Variants in FHIT observed in about 807,000 individuals in gnomAD.
The protein encoded by FHIT is fragile histidine triad diadenosine triphosphatase.
A neutral mutation model predicts 17.9 loss-of-function variants in FHIT; 19 were observed. That is an observed-to-expected ratio of 1.06 (90% CI 0.74 to 1.56). The LOEUF is 1.56. Ranked by LOEUF, FHIT falls within the 40% of genes most tolerant of loss-of-function variation. The probability of loss-of-function intolerance (pLI) is 0.00; values close to 1 mark genes in which losing one functional copy is unlikely to be tolerated. For missense variants in FHIT, 248 were observed against 189.2 expected (o/e 1.31, Z -1.82); for synonymous variants, 81 against 69.7 (o/e 1.16, Z -0.81).
At chr3:60,196,446 A>T (rs1404785096) in intron 5 of FHIT, among the ~76,000 whole-genome samples, 1 of 152,020 alleles carries the variant, frequency 6.6e-6, no homozygotes, top group Non-Finnish European at 1.5e-5. Context: ...ATTTATAAGG[A>T]CCCTTGTGAA....
chr3:60,561,542 T>C (rs765520128), intron 4 of FHIT, among the ~76,000 whole-genome samples: 4 of 151,844 alleles, frequency 2.6e-5, no homozygotes, highest in Non-Finnish European at 5.9e-5. Flanking sequence ...GCAATAGTCA[T>C]CTGGGCAGGG....
intron 5 of FHIT, among the ~76,000 whole-genome samples, chr3:60,207,414 A>C (rs1703247817): frequency 6.6e-6 from 1 of 152,072 alleles, no homozygotes; most frequent in South Asian, 2.1e-4. Flanking sequence ...AGACCTCGAA[A>C]GGCTTCTATA....
chr3:59,982,515 C>T (rs553890020), intron 7 of FHIT, among the ~76,000 whole-genome samples: 1 of 152,282 alleles, frequency 6.6e-6, no homozygotes, highest in African/African-American at 2.4e-5. Context: ...ACTGTGATCA[C>T]TTTTTGGCCT....
At position 60,000,370 on chromosome 3, in the gene FHIT, A is replaced by G. The variant is rs550857392; in HGVS notation, c.279+11001T>C. Among the ~76,000 whole-genome samples the G allele has an allele frequency of 1.3e-4, 20 of 152,340 alleles. No individual in the cohort carries two copies. The South Asian group carries it at 2.5e-3, about 19-fold the overall frequency. ...GTTTTATTGGAATACGGCCATGCTT[A>G]TTTGTGACAATTCATTTTCATATAT... is the stretch of plus-strand genomic sequence containing the variant. On this transcript the variant is annotated intron_variant, in intron 7 of 9. Transcript: ENST00000492590.
chr3:60,359,825 T>A (rs958587103), intron 5 of FHIT, among the ~76,000 whole-genome samples: 1 of 152,096 alleles, frequency 6.6e-6, no homozygotes, highest in South Asian at 2.1e-4. Flanking sequence ...CCCAAGATAA[T>A]AGAATTTTAT....
At chr3:60,673,368 G>A (rs1311272150) in intron 4 of FHIT, among the ~76,000 whole-genome samples, 2 of 152,148 alleles carry the variant, frequency 1.3e-5, no homozygotes, top group Non-Finnish European at 2.9e-5. Context: ...CTTTGCAGGG[G>A]CATGGATAGA....
intron 2 of FHIT, among the ~76,000 whole-genome samples, chr3:61,119,711 G>A (rs527625564): frequency 5.9e-5 from 9 of 152,278 alleles, no homozygotes; most frequent in South Asian, 4.1e-4. Context: ...CACTGAGGGC[G>A]CAAATAAAAC....
chr3:61,143,014 T>A (rs1258796296), intron 2 of FHIT, among the ~76,000 whole-genome samples: 2 of 152,216 alleles, frequency 1.3e-5, no homozygotes, highest in Non-Finnish European at 2.9e-5. Context: ...TTAGTAAATT[T>A]CAGATTTGTT....
At chr3:60,218,627 T>C (rs535553844) in intron 5 of FHIT, among the ~76,000 whole-genome samples, 1 of 152,212 alleles carries the variant, frequency 6.6e-6, no homozygotes, top group South Asian at 2.1e-4. Flanking sequence ...AACAGAAGAC[T>C]AACAATTTTG....
intron 8 of FHIT, among the ~76,000 whole-genome samples, chr3:59,852,990 ATG>A (rs1364140633): frequency 6.6e-6 from 1 of 152,144 alleles, no homozygotes; most frequent in Non-Finnish European, 1.5e-5. Context: ...ATGAACATTC[ATG>A]TGTAGATTTT....
chr3:60,420,809 T>G (rs1334966114), intron 5 of FHIT, among the ~76,000 whole-genome samples: 2 of 152,186 alleles, frequency 1.3e-5, no homozygotes, highest in Non-Finnish European at 2.9e-5. Context: ...GTGTTTGCAT[T>G]TGCTTACTGT....
At chr3:60,822,921 C>T (rs1170833854) in intron 3 of FHIT, among the ~76,000 whole-genome samples, 1 of 152,180 alleles carries the variant, frequency 6.6e-6, no homozygotes, top group Non-Finnish European at 1.5e-5. Flanking sequence ...CCTTCATGTA[C>T]ACTTCTTTGA....
intron 4 of FHIT, among the ~76,000 whole-genome samples, chr3:60,630,420 T>C (rs6762641): frequency 0.21 from 32,046 of 152,086 alleles, 3,602 homozygotes; most frequent in Admixed American, 0.26. Context: ...GTTTGTCCTC[T>C]TGTTTAGAGT....
chr3:60,214,043 G>C (rs1703580016), intron 5 of FHIT, among the ~76,000 whole-genome samples: 1 of 152,160 alleles, frequency 6.6e-6, no homozygotes, highest in Non-Finnish European at 1.5e-5. Flanking sequence ...TGTAATAAGA[G>C]GTTCAGAGGG....
chr3:60,021,532 C>T (rs1700553402), intron 5 of FHIT, among the ~76,000 whole-genome samples: 1 of 151,994 alleles, frequency 6.6e-6, no homozygotes, highest in African/African-American at 2.4e-5. Context: ...CTCATATAAA[C>T]TAAGTATGTG....
intron 4 of FHIT, among the ~76,000 whole-genome samples, chr3:60,592,711 C>A (rs2038128011): frequency 6.6e-6 from 1 of 152,102 alleles, no homozygotes; most frequent in Non-Finnish European, 1.5e-5. Context: ...CACCTAGAAA[C>A]AAGGAAGGTT....
intron 3 of FHIT, among the ~76,000 whole-genome samples, chr3:60,989,708 A>G (rs7632682): frequency 0.7 from 106,473 of 152,078 alleles, 37,589 homozygotes; most frequent in East Asian, 0.9. Context: ...AGGGGTTAGC[A>G]GTGCTTTTGA....
chr3:60,720,776 C>T (rs749803712), intron 4 of FHIT, among the ~76,000 whole-genome samples: 12 of 152,036 alleles, frequency 7.9e-5, no homozygotes, highest in Non-Finnish European at 1.0e-4. Flanking sequence ...GCATACTGGG[C>T]GTCAAGAAGA....
chr3:60,014,276 A>C, intron 5 of FHIT, 124 bp from the exon 6 acceptor site: 1 of 867,996 alleles, frequency 1.2e-6, no homozygotes, highest in South Asian at 1.9e-5. Flanking sequence ...TAAGGAATGA[A>C]GAAACAGATA....
Sources: gnomAD v4.1 joint callset for allele counts (sites outside exome capture counted in the v4.1 genomes callset) on GRCh38, gnomAD v4.1.1 for gene constraint, MANE v1.5 for transcripts, NCBI Gene and HGNC (gene_info 2026-07-23, HGNC 2026-07-21) for gene names.